The following CSTF3 variants were observed in gnomAD, a reference collection of about 807,000 sequenced individuals.
CSTF3 encodes cleavage stimulation factor subunit 3, also known as CF-1 77 kDa subunit.
CSTF3 carries 29 observed loss-of-function variants against 105.8 expected under a neutral mutation model. The observed-to-expected ratio is 0.27, with a 90% CI of 0.20 to 0.37. The LOEUF is 0.37. Among genes scored for constraint, CSTF3 ranks in the 10% least tolerant of loss-of-function variants. CSTF3 has a pLI of 1.00. For missense variants in CSTF3, 357 were observed against 879.3 expected (o/e 0.41, Z 7.51); for synonymous variants, 252 against 281.9 (o/e 0.89, Z 1.06).
intron 1 of CSTF3, among the ~76,000 whole-genome samples, chr11:33,147,726 C>T (rs367720506): frequency 6.6e-6 from 1 of 152,080 alleles, no homozygotes; most frequent in Non-Finnish European, 1.5e-5. Flanking sequence ...TCAGTGATAA[C>T]AAACACCCAA....
At position 33,091,576 on chromosome 11, in the gene CSTF3, G is replaced by A. The variant is rs141731816; in HGVS notation, c.1445+695C>T. Among the ~76,000 whole-genome samples the A allele has an allele frequency of 8.5e-5, 13 of 152,280 alleles. No individual in the cohort carries two copies. In the East Asian group the frequency reaches 2.3e-3, roughly 27 times the overall value. Reference sequence around the variant, plus strand: ...GGTAAAACTAACACGAGACAAAACCGTAAGTCAGAGACATAATATGTAAAA... The same window carrying A: ...GGTAAAACTAACACGAGACAAAACCATAAGTCAGAGACATAATATGTAAAA... On this transcript the variant is annotated intron_variant, in intron 16 of 20. Transcript: ENST00000323959.
intron 3 of CSTF3, 98 bp from the exon 4 acceptor site, chr11:33,108,516 T>A: frequency 1.2e-6 from 1 of 846,408 alleles, no homozygotes; most frequent in African/African-American, 1.7e-5. Flanking sequence ...AATTCATCCC[T>A]ATAGTTTCTT....
chr11:33,116,336 G>A (rs941241393), intron 3 of CSTF3, among the ~76,000 whole-genome samples: 8 of 152,034 alleles, frequency 5.3e-5, no homozygotes, highest in Admixed American at 1.3e-4. Context: ...AACTAATGAT[G>A]GAAACAATAA....
chr11:33,097,619 G>A (rs1393957492), intron 13 of CSTF3, among the ~76,000 whole-genome samples: 3 of 152,072 alleles, frequency 2.0e-5, no homozygotes, highest in Non-Finnish European at 2.9e-5. Flanking sequence ...TGCCTGCCTC[G>A]ACCTCCCAAA....
chr11:33,143,569 T>G (rs4756074), intron 1 of CSTF3, among the ~76,000 whole-genome samples: 84,521 of 151,814 alleles, frequency 0.56, 26,100 homozygotes, highest in Non-Finnish European at 0.69. Context: ...GGCTAACATG[T>G]TGAAACCCAG....
At position 33,085,057 on chromosome 11, in the gene CSTF3, C is replaced by G. The variant is rs369833933; in HGVS notation, c.*30G>C. ...CACTTGAGGCAAAAGGAATCCTGGA[C>G]AGGAGTTTTCTGCAGAGGCGTTTAA... On this transcript the variant is annotated 3_prime_UTR_variant, in exon 21 of 21. Transcript: ENST00000323959. 1 of 1,611,406 alleles carries G rather than the reference C, an allele frequency of 6.2e-7. No individual in the cohort carries two copies. The highest frequency in any genetic ancestry group is 1.7e-5 in the Admixed American group (1 of 60,002).
At chr11:33,124,706 T>C (rs1855526270) in intron 3 of CSTF3, among the ~76,000 whole-genome samples, 1 of 152,196 alleles carries the variant, frequency 6.6e-6, no homozygotes, top group Admixed American at 6.5e-5. Context: ...ATTTAATATA[T>C]GTATTTAAGT....
At chr11:33,157,851 A>T (rs1436741913) in intron 1 of CSTF3, among the ~76,000 whole-genome samples, 1 of 152,136 alleles carries the variant, frequency 6.6e-6, no homozygotes, top group Non-Finnish European at 1.5e-5. Flanking sequence ...TCCATGATTC[A>T]ATGGTTTTAA....
At position 33,085,040 on chromosome 11, in the gene CSTF3, G is replaced by T; in HGVS notation, c.*47C>A. 1 of 1,596,368 alleles carries T rather than the reference G, an allele frequency of 6.3e-7. No homozygotes were observed. On this transcript the variant is annotated 3_prime_UTR_variant, in exon 21 of 21. Transcript: ENST00000323959. ...GTCTCTTTTAAACATACCACTTGAGGCAAAAGGAATCCTGGACAGGAGTTT... is the reference window on the plus strand; with the variant it reads ...GTCTCTTTTAAACATACCACTTGAGTCAAAAGGAATCCTGGACAGGAGTTT...
intron 3 of CSTF3, among the ~76,000 whole-genome samples, chr11:33,130,460 G>C (rs779437496): frequency 6.6e-6 from 1 of 151,986 alleles, no homozygotes; most frequent in East Asian, 1.9e-4. Flanking sequence ...GCAAGAGTGA[G>C]ACTCTGTCTC....
intron 15 of CSTF3, among the ~76,000 whole-genome samples, chr11:33,093,054 T>C (rs993180185): frequency 2.0e-5 from 3 of 152,238 alleles, no homozygotes; most frequent in African/African-American, 7.2e-5. Context: ...ACCTAATGGA[T>C]GGACTTATAG....
intron 1 of CSTF3, among the ~76,000 whole-genome samples, chr11:33,147,520 A>G (rs10767990): frequency 0.68 from 102,527 of 151,578 alleles, 34,895 homozygotes; most frequent in Non-Finnish European, 0.71. Context: ...GCTTGAGACC[A>G]GGAGGCAGAG....
intron 3 of CSTF3, among the ~76,000 whole-genome samples, chr11:33,120,770 A>T (rs1293208932): frequency 1.3e-5 from 2 of 151,970 alleles, no homozygotes; most frequent in Non-Finnish European, 2.9e-5. Context: ...GTTACTATTC[A>T]CATATTCATT....
intron 3 of CSTF3, among the ~76,000 whole-genome samples, chr11:33,128,173 A>G (rs1004570342): frequency 6.6e-6 from 1 of 152,160 alleles, no homozygotes; most frequent in African/African-American, 2.4e-5. Context: ...CTCAGGTTTT[A>G]CCTACTATGG....
intron 1 of CSTF3, among the ~76,000 whole-genome samples, chr11:33,153,712 C>CAAAA (rs35247715): frequency 8.2e-6 from 1 of 121,804 alleles, no homozygotes; most frequent in South Asian, 2.5e-4. Context: ...GTAAAACAGA[C>CAAAA]AAAAAAAAAA....
At chr11:33,118,540 T>C (rs1855456498) in intron 3 of CSTF3, among the ~76,000 whole-genome samples, 2 of 151,866 alleles carry the variant, frequency 1.3e-5, no homozygotes, top group African/African-American at 4.8e-5. Context: ...GCCAGAAGTA[T>C]CAAAATCACT....
intron 20 of CSTF3, 70 bp downstream of exon 20, chr11:33,085,643 A>G (rs1855097256): frequency 3.7e-6 from 5 of 1,359,484 alleles, no homozygotes; most frequent in Non-Finnish European, 3.1e-6. Flanking sequence ...GTGGCAGAGA[A>G]TAATAATCTC....
chr11:33,109,358 T>C (rs1041374422), intron 3 of CSTF3, among the ~76,000 whole-genome samples: 3 of 152,214 alleles, frequency 2.0e-5, no homozygotes, highest in African/African-American at 7.2e-5. Context: ...TTCCCAGTTT[T>C]ATGGCTTAAA....
At chr11:33,126,947 T>C (rs1047639532) in intron 3 of CSTF3, among the ~76,000 whole-genome samples, 3 of 152,210 alleles carry the variant, frequency 2.0e-5, no homozygotes, top group Admixed American at 1.3e-4. Flanking sequence ...GAAGTGGCAA[T>C]TTTAAACAGA....
Sources: allele counts gnomAD v4.1 joint callset (sites outside exome capture counted in the v4.1 genomes callset), GRCh38; gene constraint gnomAD v4.1.1; transcripts MANE v1.5; gene names NCBI Gene and HGNC (gene_info 2026-07-23, HGNC 2026-07-21).